Variants in IL16 observed in about 807,000 individuals in gnomAD.
IL16 encodes interleukin 16, also known as pro-interleukin-16.
Under a neutral mutation model 110.1 loss-of-function variants are expected in IL16, and 67 were observed. The observed-to-expected ratio is 0.61, with a 90% CI of 0.50 to 0.75. The LOEUF is 0.75. IL16 is among the 30% of genes least tolerant of loss of function. The pLI is 0.00. For missense variants in IL16, 1,545 were observed against 1,655.0 expected (o/e 0.93, Z 1.15); for synonymous variants, 689 against 662.9 (o/e 1.04, Z -0.61).
At chr15:81,246,021 C>G (rs1300833491) in intron 2 of IL16, among the ~76,000 whole-genome samples, 1 of 152,068 alleles carries the variant, frequency 6.6e-6, no homozygotes, top group Non-Finnish European at 1.5e-5. Flanking sequence ...TTGTTATATT[C>G]AGCATCTTCA....
chr15:81,247,076 C>CTTTTTTTTTTTTTTTTTTTTTTTTTTTT (rs57484982), intron 2 of IL16, among the ~76,000 whole-genome samples: 1 of 92,638 alleles, frequency 1.1e-5, no homozygotes, highest in Non-Finnish European at 2.1e-5. Flanking sequence ...TTTTCTTTTC[C>CTTTTTTTTTTTTTTTTTTTTTTTTTTTT]TTTTTTTTTT....
chr15:81,199,363 G>A lies in IL16; in HGVS notation c.-102+2211G>A, dbSNP rs1420527226. 2.6e-5 allele frequency among the ~76,000 whole-genome samples: 4 copies of A among 152,308 alleles called. No homozygotes were observed. In the East Asian group the frequency reaches 7.7e-4, roughly 29 times the overall value. On this transcript the variant is annotated intron_variant, in intron 1 of 18. Coordinates refer to ENST00000683961, the MANE Select transcript of IL16 (RefSeq NM_172217.5). ...GCTCAGTGTGTGCCAGAAACACTGA[G>A]AAGTCTCAGTGGATGTCTCAGGTGG...
intron 16 of IL16, 27 bp from the exon 17 acceptor site, chr15:81,305,881 G>C (rs1900524119): frequency 6.2e-7 from 1 of 1,609,266 alleles, no homozygotes; most frequent in Admixed American, 1.7e-5. Flanking sequence ...TGTGATTTCT[G>C]GTCCTGACTT....
rs555948806 is a variant in IL16, at chr15:81,205,296, A to C, written c.-102+8144A>C. ...ACTCCAGCCTAGATGACAGAGCAAG[A>C]CTCCATCTCAAAAAAAAAAAAAAAA... On this transcript the variant is annotated intron_variant, in intron 1 of 18. Coordinates refer to ENST00000683961, the MANE Select transcript of IL16 (RefSeq NM_172217.5). Among the ~76,000 whole-genome samples the C allele has an allele frequency of 6.6e-3, 891 of 135,680 alleles. 7 individuals are homozygous for C. The highest frequency in any genetic ancestry group is 0.026 in the African/African-American group (847 of 32,072). 89.0% of individuals were successfully genotyped at this position (135,680 alleles called of 152,430 possible).
chr15:81,272,336 C>A (rs1186652891), intron 5 of IL16, among the ~76,000 whole-genome samples: 1 of 152,214 alleles, frequency 6.6e-6, no homozygotes, highest in Non-Finnish European at 1.5e-5. Context: ...TGTGCCCACC[C>A]TCCCTTCTCT....
rs1899578180 is a variant in IL16 at position 81,288,854 on chromosome 15, T to TGC, written c.1333-1598_1333-1597insCG. Among the ~76,000 whole-genome samples the TGC allele has an allele frequency of 7.2e-5, 11 of 152,262 alleles. No homozygotes were observed. In the South Asian group the frequency reaches 2.3e-3, roughly 32 times the overall value. ...ATGTGTGTGTGTGTGTGTGTGCGTG[T>TGC]GTGTGTATCACATGCTGTTTATCAT... is the stretch of plus-strand genomic sequence containing the variant. On this transcript the variant is annotated intron_variant, in intron 10 of 18. Coordinates refer to ENST00000683961, the MANE Select transcript of IL16 (RefSeq NM_172217.5).
chr15:81,190,204 C>T (rs768407177), intron 1 of IL16, among the ~76,000 whole-genome samples: 2 of 152,194 alleles, frequency 1.3e-5, no homozygotes, highest in Admixed American at 6.5e-5. Flanking sequence ...CCTTCTCCCC[C>T]GGGTGTGTCA....
rs1471820854 is a variant in IL16 at position 81,313,614 on chromosome 15, C to T, written c.*4816C>T. On this transcript the variant is annotated 3_prime_UTR_variant, in exon 19 of 19. Coordinates refer to ENST00000683961, the MANE Select transcript of IL16 (RefSeq NM_172217.5). ...TCCTGTCGGGGATGCATTCCACAGC[C>T]TCTCCCGGCCTCCAGGGAGGAAGAA... The T allele has an allele frequency of 2.7e-6, 1 of 371,928 alleles. No homozygotes were observed. The highest frequency in any genetic ancestry group is 4.7e-6 in the Non-Finnish European group (1 of 212,024). The allele number at this position is 371,928 out of a possible 1,614,324, so 23.0% of individuals were successfully genotyped here.
chr15:81,211,543 C>T (rs911567306), intron 1 of IL16, among the ~76,000 whole-genome samples: 3 of 152,150 alleles, frequency 2.0e-5, no homozygotes, highest in African/African-American at 7.2e-5. Context: ...TGAGCCACCG[C>T]GCTTGGCCTA....
At chr15:81,257,638 T>C (rs891337163) in intron 2 of IL16, among the ~76,000 whole-genome samples, 5 of 152,094 alleles carry the variant, frequency 3.3e-5, no homozygotes, top group Non-Finnish European at 1.5e-5. Flanking sequence ...TGAGGGTGGG[T>C]TATTTGGCAC....
chr15:81,301,390 G>A lies in IL16; in HGVS notation c.3196G>A (p.Glu1066Lys), dbSNP rs144951807. 1.9e-6 allele frequency: 3 copies of A among 1,613,884 alleles called. No homozygotes were observed. In the African/African-American group the frequency reaches 4.0e-5, roughly 22 times the overall value. ...TACAGAGGGTCTCACGGAAGCCAAG[G>A]AAGACGATGATGGGGACCACAGTTC... ...EYTEGLTEAK[E>K]DDDGDHSSLQ... The change falls in exon 15 of 19, where the codon GAA becomes AAA. Residue 1066 changes from glutamate to lysine, a missense_variant. Glu to Lys is a moderately conservative substitution (Grantham distance 56). Coordinates refer to ENST00000683961, the MANE Select transcript of IL16 (RefSeq NM_172217.5).
intron 14 of IL16, 79 bp from the exon 15 acceptor site, chr15:81,301,265 G>T: frequency 7.5e-7 from 1 of 1,326,770 alleles, no homozygotes. Context: ...ACCACACCTG[G>T]GACATAGTAA....
chr15:81,262,213 A>T (rs1898185000), intron 3 of IL16, among the ~76,000 whole-genome samples: 1 of 152,188 alleles, frequency 6.6e-6, no homozygotes, highest in Non-Finnish European at 1.5e-5. Flanking sequence ...CTCTTGGTTA[A>T]ATTAATATTT....
intron 1 of IL16, among the ~76,000 whole-genome samples, chr15:81,210,713 A>C (rs1238943872): frequency 6.6e-6 from 1 of 152,182 alleles, no homozygotes; most frequent in Admixed American, 6.6e-5. Context: ...AAACCTTGCT[A>C]AAGTTGTTTA....
At chr15:81,270,643 C>T (rs1898591737) in intron 5 of IL16, among the ~76,000 whole-genome samples, 2 of 152,182 alleles carry the variant, frequency 1.3e-5, no homozygotes, top group Admixed American at 1.3e-4. Flanking sequence ...GATGCTTTTT[C>T]CCCTTCAATT....
At chr15:81,307,700 T>A (rs1265875574) in intron 18 of IL16, among the ~76,000 whole-genome samples, 3 of 152,188 alleles carry the variant, frequency 2.0e-5, no homozygotes, top group Admixed American at 2.0e-4. Flanking sequence ...ATGTTTAGGA[T>A]GAGACTGCCA....
At chr15:81,291,825 T>G (rs986057236) in intron 11 of IL16, 5 of 436,648 alleles carry the variant, frequency 1.1e-5, no homozygotes, top group African/African-American at 1.0e-4. Flanking sequence ...GACTTCTTCG[T>G]GTAAGATTCA....
chr15:81,231,947 C>T (rs1414755367), intron 2 of IL16, among the ~76,000 whole-genome samples: 1 of 144,210 alleles, frequency 6.9e-6, no homozygotes, highest in Non-Finnish European at 1.5e-5. Context: ...ATCTATTAGT[C>T]TTTTATTTTT....
intron 1 of IL16, among the ~76,000 whole-genome samples, chr15:81,221,223 A>G (rs4257166): frequency 0.14 from 20,872 of 152,000 alleles, 1,884 homozygotes; most frequent in East Asian, 0.37. Flanking sequence ...TTCTGCTTGG[A>G]AGTAAAACAA....
Sources: gnomAD v4.1 joint callset for allele counts (sites outside exome capture counted in the v4.1 genomes callset) on GRCh38, gnomAD v4.1.1 for gene constraint, MANE v1.5 for transcripts, NCBI Gene and HGNC (gene_info 2026-07-23, HGNC 2026-07-21) for gene names.